CRISPLD1: variants seen among roughly 807,000 people sequenced by gnomAD.
CRISPLD1 encodes cysteine-rich secretory protein LCCL domain-containing 1.
CRISPLD1 carries 60 observed loss-of-function variants against 77.5 expected under a neutral mutation model. The ratio of observed to expected loss-of-function variants is 0.77; its 90% confidence interval spans 0.63 to 0.96. The LOEUF (loss-of-function observed/expected upper bound fraction) is 0.96. CRISPLD1 is among the 40% of genes least tolerant of loss of function. CRISPLD1 has a pLI of 0.00. For synonymous variants in CRISPLD1, 195 were observed against 200.1 expected (o/e 0.97, Z 0.22); for missense variants, 623 against 615.8 (o/e 1.01, Z -0.12).
chr8:75,000,407 T>G, intron 2 of CRISPLD1: 2 of 985,340 alleles, frequency 2.0e-6, no homozygotes, highest in Non-Finnish European at 2.4e-6. Flanking sequence ...GTACTGTGAA[T>G]AAGTGAGTAC....
chr8:75,021,979 G>A (rs1384159887), intron 12 of CRISPLD1, among the ~76,000 whole-genome samples: 1 of 152,136 alleles, frequency 6.6e-6, no homozygotes, highest in Non-Finnish European at 1.5e-5. Context: ...GCTCTCACTA[G>A]TAGATGCTCA....
At chr8:74,989,625 T>A (rs1461157514) in intron 2 of CRISPLD1, among the ~76,000 whole-genome samples, 4 of 152,132 alleles carry the variant, frequency 2.6e-5, no homozygotes, top group Non-Finnish European at 4.4e-5. Context: ...TTGAGTTGAG[T>A]TCCTTGTAGA....
intron 2 of CRISPLD1, among the ~76,000 whole-genome samples, chr8:75,010,160 A>G (rs1253441175): frequency 6.6e-6 from 1 of 152,124 alleles, no homozygotes; most frequent in Non-Finnish European, 1.5e-5. Flanking sequence ...AAGATACACT[A>G]ATGATGATAA....
chr8:75,020,063 G>T lies in CRISPLD1; in HGVS notation c.1228G>T (p.Ala410Ser). Residue 410 changes from alanine (A) to serine (S), a missense_variant, in exon 12 of 15, where the codon GCT becomes TCT. Transcript: ENST00000262207. ...VEQLCPFHKP[A>S]SHCPRVYCPR... is the part of the protein sequence containing the mutation. ...ACAGCTCTGTCCATTTCATAAGCCT[G>T]CTTCACATTGCCCAAGGTAAACCAG... is the stretch of plus-strand genomic sequence containing the variant. 6.2e-7 allele frequency: 1 copy of T among 1,614,028 alleles called. No individual in the cohort carries two copies. Among genetic ancestry groups the T allele is most frequent in the Non-Finnish European group, 8.5e-7 (1 of 1,179,920 alleles).
rs11987883 is a variant in CRISPLD1 at position 75,001,207 on chromosome 8, T to A, written c.259-11226T>A. 8.2e-3 allele frequency among the ~76,000 whole-genome samples: 1,243 copies of A among 152,326 alleles called. 24 individuals carry two copies. Among genetic ancestry groups the A allele is most frequent in the African/African-American group, 0.028 (1,173 of 41,564 alleles). On this transcript the variant is annotated intron_variant, in intron 2 of 14. Transcript: ENST00000262207. ...CAATTTTATATAAAACAAAATTTTGTGTTTTTAAATAGTAGAATACCTTTT... is the reference window on the plus strand; with the variant it reads ...CAATTTTATATAAAACAAAATTTTGAGTTTTTAAATAGTAGAATACCTTTT...
chr8:75,021,936 A>G (rs1022304358), intron 12 of CRISPLD1, among the ~76,000 whole-genome samples: 2 of 152,156 alleles, frequency 1.3e-5, no homozygotes, highest in Non-Finnish European at 2.9e-5. Flanking sequence ...CCAAATAATA[A>G]GGAGGGTCTC....
intron 2 of CRISPLD1, among the ~76,000 whole-genome samples, chr8:75,011,199 T>C (rs1587015878): frequency 1.3e-5 from 2 of 151,542 alleles, no homozygotes; most frequent in East Asian, 3.9e-4. Flanking sequence ...TATGTATACA[T>C]GTGCCATGCT....
chr8:75,030,474 T>G (rs907812562), intron 14 of CRISPLD1, among the ~76,000 whole-genome samples: 3 of 152,140 alleles, frequency 2.0e-5, no homozygotes, highest in African/African-American at 7.2e-5. Context: ...TAAGCTAAAC[T>G]GAGTGATATG....
At chr8:74,998,159 C>T (rs1358324920) in intron 2 of CRISPLD1, among the ~76,000 whole-genome samples, 1 of 151,992 alleles carries the variant, frequency 6.6e-6, no homozygotes, top group Non-Finnish European at 1.5e-5. Flanking sequence ...TAGTTTGGAG[C>T]GTTTAATGAA....
intron 2 of CRISPLD1, among the ~76,000 whole-genome samples, chr8:75,000,794 T>C (rs1443709206): frequency 6.6e-6 from 1 of 152,008 alleles, no homozygotes; most frequent in African/African-American, 2.4e-5. Flanking sequence ...TCCCCAGTTG[T>C]GTGGCTGACA....
chr8:75,005,054 A>C (rs1275100337), intron 2 of CRISPLD1, among the ~76,000 whole-genome samples: 1 of 152,170 alleles, frequency 6.6e-6, no homozygotes, highest in East Asian at 1.9e-4. Flanking sequence ...TCATGGGCTT[A>C]TAATTAGAAA....
At chr8:74,987,223 A>G (rs904114966) in intron 2 of CRISPLD1, among the ~76,000 whole-genome samples, 1 of 152,192 alleles carries the variant, frequency 6.6e-6, no homozygotes, top group Admixed American at 6.5e-5. Flanking sequence ...GCATTACACT[A>G]TTTTAACTTT....
At position 75,017,331 on chromosome 8, in the gene CRISPLD1, C is replaced by CTGT; in HGVS notation, c.1009_1011dup (p.Cys337dup). On this transcript the variant is annotated inframe_insertion, in exon 10 of 15. Coordinates refer to ENST00000262207, the MANE Select transcript of CRISPLD1 (RefSeq NM_031461.6). ...TCCTTTTTTCCAAGCAATCCAGCAT[C>CTGT]TGTAGAGCTGCAATTCATTATGGTA... 1 of 1,608,808 alleles carries CTGT rather than the reference C, an allele frequency of 6.2e-7. No individual in the cohort carries two copies.
intron 2 of CRISPLD1, among the ~76,000 whole-genome samples, chr8:74,988,252 T>C (rs569208469): frequency 6.6e-6 from 1 of 152,312 alleles, no homozygotes; most frequent in Non-Finnish European, 1.5e-5. Flanking sequence ...TCCAATTTAT[T>C]CAAATCGTTA....
At chr8:75,022,591 A>C (rs76792254) in intron 12 of CRISPLD1, among the ~76,000 whole-genome samples, 2 of 122,864 alleles carry the variant, frequency 1.6e-5, no homozygotes, top group Admixed American at 1.6e-4. Flanking sequence ...CTGTCTCAGA[A>C]AAAAAAAAAA....
intron 10 of CRISPLD1, among the ~76,000 whole-genome samples, chr8:75,018,184 G>A (rs556195165): frequency 4.6e-4 from 70 of 152,202 alleles, no homozygotes; most frequent in African/African-American, 1.5e-3. Flanking sequence ...AAACTTCACA[G>A]TGGGGTTAAG....
At chr8:75,012,165 C>G (rs1457616353) in intron 2 of CRISPLD1, among the ~76,000 whole-genome samples, 1 of 151,962 alleles carries the variant, frequency 6.6e-6, no homozygotes, top group Non-Finnish European at 1.5e-5. Flanking sequence ...TGTGTTTAGA[C>G]AGAGGAATCA....
chr8:74,990,846 A>G (rs1812562575), intron 2 of CRISPLD1, among the ~76,000 whole-genome samples: 1 of 151,846 alleles, frequency 6.6e-6, no homozygotes, highest in African/African-American at 2.4e-5. Flanking sequence ...TCACACACAC[A>G]CAAACATCAA....
At chr8:74,990,172 G>A (rs755263003) in intron 2 of CRISPLD1, among the ~76,000 whole-genome samples, 62 of 151,796 alleles carry the variant, frequency 4.1e-4, no homozygotes, top group Middle Eastern at 3.2e-3. Flanking sequence ...ATGTAATTAT[G>A]TAATGTGTAT....
Sources: gnomAD v4.1 joint callset for allele counts (sites outside exome capture counted in the v4.1 genomes callset) on GRCh38, gnomAD v4.1.1 for gene constraint, MANE v1.5 for transcripts, NCBI Gene and HGNC (gene_info 2026-07-23, HGNC 2026-07-21) for gene names.